DAGLB: variants seen among roughly 807,000 people sequenced by gnomAD.
The protein encoded by DAGLB is diacylglycerol lipase-beta.
DAGLB carries 66 observed loss-of-function variants against 72.1 expected under a neutral mutation model. The observed-to-expected ratio is 0.92, with a 90% CI of 0.75 to 1.12. The LOEUF is 1.12. DAGLB is among the 50% of genes most tolerant of loss of function. DAGLB has a pLI of 0.00. For missense variants in DAGLB, 1,065 were observed against 884.9 expected, an observed-to-expected ratio of 1.20 and a Z score of -2.58; for synonymous variants, 414 against 359.5, an observed-to-expected ratio of 1.15 and a Z score of -1.71.
chr7:6,444,949 C>G (rs566592431), intron 2 of DAGLB, among the ~76,000 whole-genome samples: 11 of 152,188 alleles, frequency 7.2e-5, no homozygotes, highest in African/African-American at 2.4e-4. Flanking sequence ...CATGAGCTAC[C>G]ACTTCACATT....
intron 13 of DAGLB, among the ~76,000 whole-genome samples, chr7:6,410,999 C>T (rs1286186508): frequency 6.6e-6 from 1 of 151,636 alleles, no homozygotes; most frequent in South Asian, 2.1e-4. Context: ...ATTCTCCTGC[C>T]TCAGCCACCA....
chr7:6,437,775 A>G (rs1487049416), intron 2 of DAGLB, among the ~76,000 whole-genome samples: 1 of 151,912 alleles, frequency 6.6e-6, no homozygotes, highest in East Asian at 1.9e-4. Flanking sequence ...CAGCCTCCCT[A>G]GTAGCTGGGA....
chr7:6,447,657 G>C, intron 1 of DAGLB, 91 bp downstream of exon 1: 2 of 1,490,588 alleles, frequency 1.3e-6, no homozygotes, highest in Non-Finnish European at 1.8e-6. Context: ...GACAGTGCTT[G>C]GGAAGCCACT....
chr7:6,437,943 G>C (rs1784715141), intron 2 of DAGLB, among the ~76,000 whole-genome samples: 1 of 152,090 alleles, frequency 6.6e-6, no homozygotes, highest in African/African-American at 2.4e-5. Context: ...CACCCTACCA[G>C]GAAATAGCTT....
chr7:6,446,086 C>G lies in DAGLB; in HGVS notation c.114G>C (p.Thr38=). The change falls in exon 2 of 15, where the codon ACG becomes ACC. Residue 38 remains threonine (T), a synonymous_variant. Coordinates refer to ENST00000297056, the MANE Select transcript of DAGLB (RefSeq NM_139179.4). ...GCTTTCCTCTGTGCATGAGATACAA[C>G]GTCAGAATGCCAATCCACCTGGCAA... The part of the protein sequence containing the change: ...VRVLWWIGIL[T]LYLMHRGKLD... The G allele has an allele frequency of 6.3e-7, 1 of 1,583,824 alleles. No individual in the cohort carries two copies. The highest frequency in any genetic ancestry group is 8.6e-7 in the Non-Finnish European group (1 of 1,169,550).
chr7:6,422,085 T>C, intron 8 of DAGLB: 1 of 512,234 alleles, frequency 2.0e-6, no homozygotes, highest in Non-Finnish European at 3.7e-6. Flanking sequence ...ACACACGTAT[T>C]CTAAGGACCC....
At chr7:6,419,953 G>A (rs1357548819) in intron 9 of DAGLB, among the ~76,000 whole-genome samples, 1 of 152,190 alleles carries the variant, frequency 6.6e-6, no homozygotes, top group Non-Finnish European at 1.5e-5. Flanking sequence ...GACCAGTCTG[G>A]GCAACACAGA....
At chr7:6,424,710 C>G (rs187256331) in intron 8 of DAGLB, 42 bp downstream of exon 8, 6 of 1,601,070 alleles carry the variant, frequency 3.7e-6, no homozygotes, top group East Asian at 4.5e-5. Context: ...CTCCCGCTCC[C>G]GCACCCACTC....
At chr7:6,441,802 T>A (rs928546908) in intron 2 of DAGLB, among the ~76,000 whole-genome samples, 1 of 152,184 alleles carries the variant, frequency 6.6e-6, no homozygotes, top group South Asian at 2.1e-4. Context: ...AATACTGTTT[T>A]CAGTTTGGCT....
At chr7:6,419,654 G>A (rs1784043771) in intron 9 of DAGLB, among the ~76,000 whole-genome samples, 3 of 152,136 alleles carry the variant, frequency 2.0e-5, no homozygotes. Context: ...AGCACTTGGG[G>A]GCCTCAGCTG....
chr7:6,419,222 G>C (rs1168047102), intron 9 of DAGLB, among the ~76,000 whole-genome samples: 1 of 151,526 alleles, frequency 6.6e-6, no homozygotes, highest in Non-Finnish European at 1.5e-5. Flanking sequence ...GGGTTTTACC[G>C]TGTTGGCCAG....
chr7:6,418,389 TAATA>T (rs1783987190), intron 9 of DAGLB, among the ~76,000 whole-genome samples: 2 of 151,246 alleles, frequency 1.3e-5, no homozygotes, highest in South Asian at 2.1e-4. Context: ...ATCATAAAAA[TAATA>T]AATAAAAGAA....
chr7:6,410,049 GGA>G lies in DAGLB; in HGVS notation c.1821-16_1821-15del. 1.9e-6 allele frequency: 3 copies of G among 1,609,566 alleles called. No individual in the cohort carries two copies. The highest frequency in any genetic ancestry group is 1.1e-5 in the South Asian group (1 of 90,484). On this transcript the variant is annotated splice_polypyrimidine_tract_variant and intron_variant, in intron 14 of 14. Coordinates refer to ENST00000297056, the MANE Select transcript of DAGLB (RefSeq NM_139179.4). ...CAGCAGCCAAACCTGAAGCAGAAAA[GGA>G]GAGACAGCTCCCACGCGGCCCCAGG...
chr7:6,412,515 G>A (rs1394287381), intron 13 of DAGLB: 3 of 404,172 alleles, frequency 7.4e-6, no homozygotes, highest in East Asian at 4.0e-5. Context: ...GCCCAGGTTG[G>A]CCTCAAGGGA....
chr7:6,409,727 G>A lies in DAGLB; in HGVS notation c.*110C>T. On this transcript the variant is annotated 3_prime_UTR_variant, in exon 15 of 15. Coordinates refer to ENST00000297056, the MANE Select transcript of DAGLB (RefSeq NM_139179.4). The stretch of plus-strand genomic sequence containing the variant: ...GGAATTCTGTTCCCATCCGATTCCT[G>A]TTGATGGACATTCGCTGTTTTGGCG... 1.6e-6 allele frequency: 2 copies of A among 1,245,354 alleles called. No individual in the cohort carries two copies. Among genetic ancestry groups the A allele is most frequent in the Non-Finnish European group, 2.2e-6 (2 of 903,248 alleles). 77.1% of individuals were successfully genotyped at this position (1,245,354 alleles called of 1,614,324 possible).
At position 6,446,310 on chromosome 7, in the gene DAGLB, TAC is replaced by T. The variant is rs1464163025; in HGVS notation, c.96-208_96-207del. 5.3e-4 allele frequency among the ~76,000 whole-genome samples: 19 copies of T among 36,032 alleles called. 1 individual carries two copies. The allele number at this position is 36,032 out of a possible 152,430, so 23.6% of individuals were successfully genotyped here. A position where few individuals can be genotyped will look rare whatever the true frequency, so the allele number is the denominator to read the frequency against. ...GGTGAAACCCTGTCTCTACGAAAAA[TAC>T]AAAAAAAAAAAAAAAAATAGCTGGG... On this transcript the variant is annotated intron_variant, in intron 1 of 14. Transcript: ENST00000297056.
chr7:6,425,400 CA>C (rs1784274814), intron 7 of DAGLB, among the ~76,000 whole-genome samples: 1 of 152,176 alleles, frequency 6.6e-6, no homozygotes, highest in Non-Finnish European at 1.5e-5. Flanking sequence ...GCCTCCCGAC[CA>C]GCAGAGACTA....
chr7:6,424,514 G>A (rs550671141), intron 8 of DAGLB, among the ~76,000 whole-genome samples: 48 of 152,302 alleles, frequency 3.2e-4, no homozygotes, highest in African/African-American at 1.2e-3. Context: ...AGCTCCTGTG[G>A]CGGGGGGGCC....
At chr7:6,445,180 T>C (rs1784958429) in intron 2 of DAGLB, among the ~76,000 whole-genome samples, 1 of 152,206 alleles carries the variant, frequency 6.6e-6, no homozygotes, top group Admixed American at 6.6e-5. Context: ...TGTATGCGAA[T>C]GTTCATAGCT....
Sources: gnomAD v4.1 joint callset for allele counts (sites outside exome capture counted in the v4.1 genomes callset) on GRCh38, gnomAD v4.1.1 for gene constraint, MANE v1.5 for transcripts, NCBI Gene and HGNC (gene_info 2026-07-23, HGNC 2026-07-21) for gene names.